Variants in ENTREP3 observed in about 807,000 individuals in gnomAD.
The protein encoded by ENTREP3 is protein ENTREP3.
chr1:155,248,525 A>C, the ENTREP3 span: 22 of 1,526,118 alleles, frequency 1.4e-5, no homozygotes, highest in Middle Eastern at 3.4e-4. Context: ...TGTTCTGTGG[A>C]CACGCCCACC....
the ENTREP3 span, chr1:155,255,166 A>C: frequency 4.0e-6 from 2 of 501,548 alleles, no homozygotes; most frequent in Non-Finnish European, 7.3e-6. This position sits in a 1 kb window ranked among gnomAD's most constrained non-coding sequence, Gnocchi z 5.6. Flanking sequence ...GCATCTCCCT[A>C]GGGAAGAGGG....
At chr1:155,250,485 G>A in the ENTREP3 span, 1 of 1,481,506 alleles carries the variant, frequency 6.7e-7, no homozygotes, top group Non-Finnish European at 8.9e-7. This position sits in a 1 kb window ranked among gnomAD's most constrained non-coding sequence, Gnocchi z 5.4. Context: ...GGGGAAGCAG[G>A]GTCCCACCCA....
chr1:155,250,155 A>G, the ENTREP3 span: 1 of 781,038 alleles, frequency 1.3e-6, no homozygotes, highest in Non-Finnish European at 2.0e-6. This position sits in a 1 kb window ranked among gnomAD's most constrained non-coding sequence, Gnocchi z 5.4. Context: ...AGAGGAGTGA[A>G]CTCACCCTTT....
At chr1:155,251,202 A>G in the ENTREP3 span, 240 of 1,486,214 alleles carry the variant, frequency 1.6e-4, 2 homozygotes, top group South Asian at 2.2e-3. Flanking sequence ...AGCCCTACAC[A>G]CTGAACACCC....
the ENTREP3 span, chr1:155,247,244 G>A: frequency 2.9e-6 from 1 of 348,530 alleles, no homozygotes; most frequent in African/African-American, 2.1e-5. Context: ...TTTATTGAAG[G>A]CTTACATACT....
At chr1:155,247,916 G>GGC in the ENTREP3 span, 1 of 1,594,068 alleles carries the variant, frequency 6.3e-7, no homozygotes. Context: ...CGAAGGTGGA[G>GGC]GCTCTCTCGG....
chr1:155,247,660 C>G, the ENTREP3 span: 13 of 964,000 alleles, frequency 1.3e-5, no homozygotes, highest in South Asian at 1.8e-4. Flanking sequence ...GAAAGGGACA[C>G]TTTGGGGGGT....
the ENTREP3 span, chr1:155,253,551 C>G: frequency 9.9e-7 from 1 of 1,013,954 alleles, no homozygotes; most frequent in African/African-American, 1.6e-5. Flanking sequence ...GCCATTGTTC[C>G]CTCAGGCAAG....
At chr1:155,254,410 A>G in the ENTREP3 span, 3 of 1,614,132 alleles carry the variant, frequency 1.9e-6, no homozygotes, top group Admixed American at 5.0e-5. This position sits in a 1 kb window ranked among gnomAD's most constrained non-coding sequence, Gnocchi z 4.4. Context: ...CACTAGAGTG[A>G]ATGGCCGCTT....
the ENTREP3 span, chr1:155,253,581 GC>G: frequency 2.1e-6 from 3 of 1,396,494 alleles, no homozygotes; most frequent in Non-Finnish European, 1.0e-6. Context: ...ACACACCCCT[GC>G]CCCCACCATA....
the ENTREP3 span, chr1:155,250,408 TCGGGGCTCGGGTGGG>T: frequency 2.2e-6 from 1 of 463,822 alleles, no homozygotes; most frequent in South Asian, 1.7e-5. The surrounding 1 kb of genome is among the most constrained non-coding windows in gnomAD (Gnocchi z 5.4). Flanking sequence ...AAGCGACGAG[TCGGGGCTCGGGTGGG>T]CGGGGCTGCG....
the ENTREP3 span, chr1:155,252,732 T>A: frequency 2.1e-4 from 16 of 75,814 alleles, no homozygotes; most frequent in African/African-American, 7.1e-4. Flanking sequence ...ATTTTTTTTT[T>A]TTTTTTTTTT....
chr1:155,251,495 C>CGAGAGCACA, the ENTREP3 span: 2 of 1,608,962 alleles, frequency 1.2e-6, no homozygotes, highest in Non-Finnish European at 1.7e-6. Flanking sequence ...CCGTGCTGTG[C>CGAGAGCACA]TCTCACCTGG....
chr1:155,254,916 C>CAAG, the ENTREP3 span: 2 of 1,509,446 alleles, frequency 1.3e-6, no homozygotes, highest in East Asian at 2.5e-5. This position sits in a 1 kb window ranked among gnomAD's most constrained non-coding sequence, Gnocchi z 4.4. Context: ...TCGGCCCTCC[C>CAAG]TGGCACTTGG....
chr1:155,247,692 G>T, the ENTREP3 span: 3 of 1,257,552 alleles, frequency 2.4e-6, no homozygotes, highest in Admixed American at 2.5e-5. Flanking sequence ...TTCTTTTTGT[G>T]CCAGCCAGTG....
chr1:155,253,951 AG>A, the ENTREP3 span: 13 of 1,612,980 alleles, frequency 8.1e-6, no homozygotes, highest in Non-Finnish European at 1.1e-5. Flanking sequence ...AGGGGAACAG[AG>A]GGACAGCACA....
At chr1:155,250,302 G>A in the ENTREP3 span, 2 of 1,547,626 alleles carry the variant, frequency 1.3e-6, no homozygotes, top group African/African-American at 1.4e-5. This position sits in a 1 kb window ranked among gnomAD's most constrained non-coding sequence, Gnocchi z 5.4. Flanking sequence ...CGTGATGCCT[G>A]GGTCGCTGTG....
At chr1:155,252,690 GTATATATATATATATA>G in the ENTREP3 span, 7 of 32,880 alleles carry the variant, frequency 2.1e-4, no homozygotes, top group African/African-American at 3.7e-4. Flanking sequence ...AATTTTGTGT[GTATATATATATATATA>G]TATATATATA....
chr1:155,254,441 C>G, the ENTREP3 span: 1 of 1,614,204 alleles, frequency 6.2e-7, no homozygotes, highest in Middle Eastern at 1.6e-4. This position sits in a 1 kb window ranked among gnomAD's most constrained non-coding sequence, Gnocchi z 4.4. Context: ...ATGCCAACCA[C>G]CCCGGAGAAC....
Sources: gnomAD v4.1 joint callset for allele counts on GRCh38, gnomAD v4.1.1 for gene constraint, Gnocchi (gnomAD v3.1) non-coding constraint, MANE v1.5 for transcripts, NCBI Gene and HGNC (gene_info 2026-07-23, HGNC 2026-07-21) for gene names.